The following RNF175 variants were observed in gnomAD, a reference collection of about 807,000 sequenced individuals.
RNF175 encodes ring finger protein 175.
In RNF175, 38 loss-of-function variants were observed where a neutral mutation model predicts 50.0. The ratio of observed to expected loss-of-function variants is 0.76; its 90% CI spans 0.59 to 1.00. The LOEUF is 1.00. RNF175 is among the 50% of genes least tolerant of loss of function. The pLI is 0.00. For missense variants in RNF175, 388 were observed against 409.6 expected (o/e 0.95, Z 0.46); for synonymous variants, 155 against 146.1 (o/e 1.06, Z -0.44).
Position 153,710,414 on chromosome 4 carries a change from C to G in RNF175, c.942G>C (p.Val314=). ...AGATAATGCCTTGAACTATTCCTAT[C>G]ACCACAGGTTGCCAGGCCACCAAAT... ...LRYLVAWQPV[V]IGIVQGIIYS... is the part of the protein sequence containing the mutation. The change falls in exon 9 of 9, where the codon GTG becomes GTC. Residue 314 remains valine (V), a synonymous_variant. Coordinates refer to ENST00000347063, the MANE Select transcript of RNF175 (RefSeq NM_173662.4). 1 of 1,578,338 alleles carries G rather than the reference C, an allele frequency of 6.3e-7. No homozygotes were observed. The highest frequency in any genetic ancestry group is 1.2e-5 in the South Asian group (1 of 86,148).
At chr4:153,717,102 A>G (rs1737982858) in intron 6 of RNF175, among the ~76,000 whole-genome samples, 1 of 152,084 alleles carries the variant, frequency 6.6e-6, no homozygotes, top group South Asian at 2.1e-4. Flanking sequence ...TTATTTATTC[A>G]ATCATTTATT....
In RNF175 at chr4:153,743,584, G is replaced by T. The variant is rs959724595; in HGVS notation, c.246+5061C>A. On this transcript the variant is annotated intron_variant, in intron 3 of 8. Transcript: ENST00000347063. ...TGCAGGCTCCTGGCTTTGTCAAAGTGCTAGACAGGATCACCATGATCATTA... is the reference window on the plus strand; with the variant it reads ...TGCAGGCTCCTGGCTTTGTCAAAGTTCTAGACAGGATCACCATGATCATTA... 2.6e-5 allele frequency among the ~76,000 whole-genome samples: 4 copies of T among 152,144 alleles called. 1 individual carries two copies. In the South Asian group the frequency reaches 8.3e-4, roughly 32 times the overall value.
intron 5 of RNF175, among the ~76,000 whole-genome samples, chr4:153,722,286 T>A (rs927394641): frequency 4.6e-5 from 7 of 152,226 alleles, no homozygotes; most frequent in Admixed American, 4.6e-4. Flanking sequence ...GGAGCACAGC[T>A]GTTGGTCAAA....
At chr4:153,722,648 A>G (rs572946035) in intron 5 of RNF175, among the ~76,000 whole-genome samples, 108 of 152,208 alleles carry the variant, frequency 7.1e-4, no homozygotes, top group African/African-American at 2.5e-3. Context: ...TTTTCCAAGT[A>G]TCCCCAACAC....
chr4:153,732,727 C>T (rs1447158178), intron 3 of RNF175, among the ~76,000 whole-genome samples: 1 of 152,106 alleles, frequency 6.6e-6, no homozygotes, highest in African/African-American at 2.4e-5. Context: ...AGTAACTGCA[C>T]ATAAAAGAAG....
At chr4:153,714,599 A>C (rs1737788867) in intron 7 of RNF175, 1 of 152,238 alleles carries the variant, frequency 6.6e-6, no homozygotes, top group Non-Finnish European at 1.5e-5. Context: ...ACTGTACTAT[A>C]AAATAAAGAT....
At chr4:153,710,858 T>A (rs554828170) in intron 8 of RNF175, among the ~76,000 whole-genome samples, 1 of 152,336 alleles carries the variant, frequency 6.6e-6, no homozygotes, top group East Asian at 1.9e-4. Flanking sequence ...CCTGTAGTCA[T>A]ACATTAGAAT....
chr4:153,750,435 C>A (rs998470464), intron 2 of RNF175, among the ~76,000 whole-genome samples: 2 of 152,118 alleles, frequency 1.3e-5, no homozygotes, highest in Non-Finnish European at 2.9e-5. Context: ...TAGAAATCAG[C>A]CCACAGAGCC....
intron 3 of RNF175, among the ~76,000 whole-genome samples, chr4:153,734,674 T>C (rs1319754764): frequency 0.21 from 20,618 of 97,646 alleles, 2,247 homozygotes; most frequent in Non-Finnish European, 0.32. Context: ...TCTTTTTTTT[T>C]TTTTTTTTTT....
At chr4:153,734,651 CTTGTTTTTTTATTCTTT>C (rs1739236262) in intron 3 of RNF175, among the ~76,000 whole-genome samples, 1 of 126,786 alleles carries the variant, frequency 7.9e-6, no homozygotes, top group Admixed American at 7.9e-5. Context: ...CCAAGTCTGG[CTTGTTTTTTTATTCTTT>C]TTTTTTTTTT....
At chr4:153,734,444 A>T (rs1236078990) in intron 3 of RNF175, among the ~76,000 whole-genome samples, 2 of 152,148 alleles carry the variant, frequency 1.3e-5, no homozygotes, top group Non-Finnish European at 2.9e-5. Context: ...CGATGAGATG[A>T]TGAGCTCCTT....
At chr4:153,717,599 A>G (rs769445499) in intron 6 of RNF175, among the ~76,000 whole-genome samples, 1 of 152,182 alleles carries the variant, frequency 6.6e-6, no homozygotes, top group East Asian at 1.9e-4. Flanking sequence ...GTATATCTAT[A>G]TTAAGCTAAA....
At chr4:153,715,724 A>G (rs1737875133) in intron 6 of RNF175, 62 bp from the exon 7 acceptor site, 1 of 1,554,558 alleles carries the variant, frequency 6.4e-7, no homozygotes, top group Non-Finnish European at 8.7e-7. Context: ...CTCTGAATGC[A>G]GGAAGCCACT....
chr4:153,759,832 C>A lies in RNF175; in HGVS notation c.31G>T (p.Ala11Ser). Residue 11 changes from alanine (A) to serine (S), a missense_variant, in exon 1 of 9, where the codon GCG becomes TCG. Physicochemically the swap from Ala to Ser is moderately conservative, Grantham distance 99. Transcript: ENST00000347063. ...TGCGGGGGGGCCTCCAGCACCGGCG[C>A]TGCCTTCCGCGCCGCCGTCCCCGCG... MAAGTAARKAAPVLEAPPQQE... is the reference protein window; with the variant it reads MAAGTAARKASPVLEAPPQQE... 1 of 1,467,608 alleles carries A rather than the reference C, an allele frequency of 6.8e-7. No homozygotes were observed. The highest frequency in any genetic ancestry group is 8.9e-7 in the Non-Finnish European group (1 of 1,117,404). 90.9% of individuals were successfully genotyped at this position (1,467,608 alleles called of 1,614,324 possible). A position where few individuals can be genotyped will look rare whatever the true frequency, so the allele number is the denominator to read the frequency against.
At chr4:153,746,168 G>T (rs973035424) in intron 3 of RNF175, among the ~76,000 whole-genome samples, 2 of 152,180 alleles carry the variant, frequency 1.3e-5, no homozygotes, top group African/African-American at 4.8e-5. Context: ...TACAATGACA[G>T]GTCAGGCAGA....
chr4:153,718,621 T>G (rs373755001), intron 6 of RNF175, among the ~76,000 whole-genome samples: 69 of 152,350 alleles, frequency 4.5e-4, no homozygotes, highest in African/African-American at 1.6e-3. Context: ...CATATAATTC[T>G]AATCTTCCTT....
In RNF175 at chr4:153,759,993, C is replaced by G; in HGVS notation, c.-131G>C. On this transcript the variant is annotated 5_prime_UTR_variant, in exon 1 of 9. Transcript: ENST00000347063. ...CGGATCTGCGGCGGCGGCGGAGCGG[C>G]GGCCCTGCCCGGGTTGTGCGGGGCG... 8.3e-6 allele frequency: 4 copies of G among 483,056 alleles called. No individual in the cohort carries two copies. The highest frequency in any genetic ancestry group is 1.0e-5 in the Non-Finnish European group (3 of 296,406). 29.9% of individuals were successfully genotyped at this position (483,056 alleles called of 1,614,324 possible).
rs534574697 is a variant in RNF175, at chr4:153,748,732, C to T, written c.159G>A (p.Val53=). Residue 53 remains valine (V), a synonymous_variant, in exon 3 of 9, where the codon GTG becomes GTA. Coordinates refer to ENST00000347063, the MANE Select transcript of RNF175 (RefSeq NM_173662.4). ...KMHRGHDSMH[V]EMILIFLCVL... is the part of the protein sequence containing the mutation. ...CGCAGAGGAAGATCAAGATCATTTCCACGTGCATGGAATCGTGGCCCCGGT... is the reference window on the plus strand; with the variant it reads ...CGCAGAGGAAGATCAAGATCATTTCTACGTGCATGGAATCGTGGCCCCGGT... The T allele has an allele frequency of 6.2e-7, 1 of 1,611,456 alleles. No individual in the cohort carries two copies. Among genetic ancestry groups the T allele is most frequent in the African/African-American group, 1.3e-5 (1 of 74,992 alleles).
intron 3 of RNF175, among the ~76,000 whole-genome samples, chr4:153,738,492 C>T (rs1739470728): frequency 6.6e-6 from 1 of 152,088 alleles, no homozygotes; most frequent in Non-Finnish European, 1.5e-5. Flanking sequence ...GCCAAATGCC[C>T]TTTCTTATCC....
Sources: gnomAD v4.1 joint callset for allele counts (sites outside exome capture counted in the v4.1 genomes callset) on GRCh38, gnomAD v4.1.1 for gene constraint, MANE v1.5 for transcripts, NCBI Gene and HGNC (gene_info 2026-07-23, HGNC 2026-07-21) for gene names.